PPARG: variants seen among roughly 807,000 people sequenced by gnomAD.
PPARG encodes the protein peroxisome proliferator-activated receptor gamma.
In PPARG, 17 loss-of-function variants were observed where a neutral mutation model predicts 39.2. The observed-to-expected ratio is 0.43, with a 90% CI of 0.30 to 0.65. The LOEUF (loss-of-function observed/expected upper bound fraction) is 0.65. Ranked by LOEUF, PPARG falls within the 30% of genes least tolerant of loss-of-function variation. The probability of loss-of-function intolerance (pLI) is 0.13; values close to 1 mark genes in which losing one functional copy is unlikely to be tolerated. For missense variants in PPARG, 406 were observed against 585.9 expected, an observed-to-expected ratio of 0.69 and a Z score of 3.17; for synonymous variants, 223 against 215.7, an observed-to-expected ratio of 1.03 and a Z score of -0.30.
Position 12,372,693 on chromosome 3 carries a change from G to A in PPARG, c.-8-7011G>A, listed in dbSNP as rs116605640. 7.4e-3 allele frequency among the ~76,000 whole-genome samples: 1,132 copies of A among 152,226 alleles called. 11 individuals are homozygous for A. The highest frequency in any genetic ancestry group is 0.026 in the African/African-American group (1,091 of 41,512). ...TTCTGGTGTTCAATTTTACAATTTAGCATCTTTTCCAACCCACTTCCATAC... is the reference window on the plus strand; with the variant it reads ...TTCTGGTGTTCAATTTTACAATTTAACATCTTTTCCAACCCACTTCCATAC... On this transcript the variant is annotated intron_variant, in intron 2 of 7. Coordinates refer to ENST00000651735, the MANE Select transcript of PPARG (RefSeq NM_138711.6).
intron 2 of PPARG, among the ~76,000 whole-genome samples, chr3:12,337,166 A>G (rs907109402): frequency 3.9e-5 from 6 of 152,250 alleles, no homozygotes; most frequent in Non-Finnish European, 7.3e-5. Flanking sequence ...AATTTGTGCC[A>G]ACCAATAGAA....
intron 6 of PPARG, among the ~76,000 whole-genome samples, chr3:12,412,899 G>A (rs1320916898): frequency 6.6e-6 from 1 of 152,050 alleles, no homozygotes; most frequent in Non-Finnish European, 1.5e-5. Flanking sequence ...TTTGATGTAC[G>A]GTCTGAAGAT....
chr3:12,433,800 G>A lies in PPARG; in HGVS notation c.1181-98G>A, dbSNP rs2051753644. 5.1e-6 allele frequency: 8 copies of A among 1,553,400 alleles called. No homozygotes were observed. The South Asian group carries it at 9.0e-5, about 17-fold the overall frequency. Reference sequence around the variant, plus strand: ...CAAAGCAAAACAAACCAAAAATACAGATGAGTTGCTTGGTAGAGCTGCCTA... The same window carrying A: ...CAAAGCAAAACAAACCAAAAATACAAATGAGTTGCTTGGTAGAGCTGCCTA... On this transcript the variant is annotated intron_variant, in intron 7 of 7. Transcript: ENST00000651735.
chr3:12,310,014 G>A (rs2047180866), intron 1 of PPARG, among the ~76,000 whole-genome samples: 1 of 152,100 alleles, frequency 6.6e-6, no homozygotes, highest in South Asian at 2.1e-4. Flanking sequence ...GTGAAAGAAC[G>A]GCAATCCTTG....
At chr3:12,432,152 T>G (rs1421572371) in intron 7 of PPARG, among the ~76,000 whole-genome samples, 1 of 152,276 alleles carries the variant, frequency 6.6e-6, no homozygotes, top group Non-Finnish European at 1.5e-5. Flanking sequence ...TAAGAAACCG[T>G]CAGGGAACAG....
intron 2 of PPARG, among the ~76,000 whole-genome samples, chr3:12,354,468 G>C (rs2048591876): frequency 7.1e-6 from 1 of 140,354 alleles, no homozygotes; most frequent in Non-Finnish European, 1.6e-5. Context: ...AGAAAAGGCT[G>C]GGTACAGTGG....
intron 6 of PPARG, among the ~76,000 whole-genome samples, chr3:12,408,367 G>T (rs4135284): frequency 6.6e-6 from 1 of 151,994 alleles, no homozygotes; most frequent in Admixed American, 6.6e-5. Context: ...CACAACACTG[G>T]TGTTTATAAA....
chr3:12,327,937 A>G, intron 2 of PPARG: 2 of 670,820 alleles, frequency 3.0e-6, no homozygotes, highest in Non-Finnish European at 5.3e-6. Flanking sequence ...TTTCTTTACA[A>G]AATGTGTGTA....
intron 2 of PPARG, among the ~76,000 whole-genome samples, chr3:12,370,858 C>T (rs948984644): frequency 1.3e-5 from 2 of 152,120 alleles, no homozygotes; most frequent in Non-Finnish European, 2.9e-5. Context: ...TTCCTGGCTG[C>T]TAAAGAGCAA....
chr3:12,357,576 G>A (rs1020138764), intron 2 of PPARG, among the ~76,000 whole-genome samples: 3 of 151,950 alleles, frequency 2.0e-5, no homozygotes, highest in Admixed American at 6.6e-5. Context: ...AGCATTTATC[G>A]TCTTCTAACA....
At chr3:12,356,455 G>T (rs1032774816) in intron 2 of PPARG, among the ~76,000 whole-genome samples, 2 of 152,308 alleles carry the variant, frequency 1.3e-5, no homozygotes, top group Non-Finnish European at 2.9e-5. Context: ...GTGGTGAATG[G>T]CACTTGTGGT....
At position 12,408,612 on chromosome 3, in the gene PPARG, A is replaced by G. The variant is rs756614418; in HGVS notation, c.729+2531A>G. ...GAGGTGGGGTCTTGCTTTGTTGCCC[A>G]GGTGGGAGTGTCTTCTTATATTGGT... On this transcript the variant is annotated intron_variant, in intron 6 of 7. Transcript: ENST00000651735. Among the ~76,000 whole-genome samples, 325 of 123,200 alleles carry G rather than the reference A, an allele frequency of 2.6e-3. 3 individuals carry two copies. Among genetic ancestry groups the G allele is most frequent in the Non-Finnish European group, 1.9e-3 (119 of 62,654 alleles). 80.8% of individuals were successfully genotyped at this position (123,200 alleles called of 152,430 possible). A position where few individuals can be genotyped will look rare whatever the true frequency, so the allele number is the denominator to read the frequency against.
At chr3:12,352,103 G>C (rs2048506863) in intron 2 of PPARG, among the ~76,000 whole-genome samples, 1 of 151,974 alleles carries the variant, frequency 6.6e-6, no homozygotes, top group Non-Finnish European at 1.5e-5. Context: ...TATTCCTCTT[G>C]AAGTACTCTC....
Position 12,364,760 on chromosome 3 carries a change from T to A in PPARG, c.-8-14944T>A, listed in dbSNP as rs550668693. Among the ~76,000 whole-genome samples, 5 of 152,346 alleles carry A rather than the reference T, an allele frequency of 3.3e-5. 1 individual carries two copies. In the South Asian group the frequency reaches 8.3e-4, roughly 25 times the overall value. On this transcript the variant is annotated intron_variant, in intron 2 of 7. Coordinates refer to ENST00000651735, the MANE Select transcript of PPARG (RefSeq NM_138711.6). ...TTCTATTTGTAGTGGTATCTTCTTGTTTTAGTTTGCAGTGCTCTCGTGACA... is the reference window on the plus strand; with the variant it reads ...TTCTATTTGTAGTGGTATCTTCTTGATTTAGTTTGCAGTGCTCTCGTGACA...
chr3:12,387,332 A>T (rs1305974682), intron 4 of PPARG, among the ~76,000 whole-genome samples: 1 of 152,136 alleles, frequency 6.6e-6, no homozygotes, highest in Non-Finnish European at 1.5e-5. Flanking sequence ...TTACACTTCC[A>T]CCAACAGTGT....
chr3:12,374,061 G>A (rs1418134239), intron 2 of PPARG, among the ~76,000 whole-genome samples: 3 of 152,106 alleles, frequency 2.0e-5, no homozygotes, highest in African/African-American at 7.2e-5. Flanking sequence ...GATAACCAGT[G>A]GAAATAAGAC....
intron 2 of PPARG, among the ~76,000 whole-genome samples, chr3:12,371,360 T>C (rs2049206893): frequency 6.6e-6 from 1 of 152,174 alleles, no homozygotes. Context: ...CAAACAACAT[T>C]TGTATATCTG....
intron 2 of PPARG, among the ~76,000 whole-genome samples, chr3:12,345,917 A>G (rs974645705): frequency 1.1e-4 from 17 of 152,228 alleles, no homozygotes; most frequent in African/African-American, 4.1e-4. Context: ...TGAAAAAGAT[A>G]CATGTTTTAG....
intron 1 of PPARG, among the ~76,000 whole-genome samples, chr3:12,293,314 A>G (rs1574935783): frequency 6.6e-6 from 1 of 152,178 alleles, no homozygotes; most frequent in African/African-American, 2.4e-5. Flanking sequence ...ATTTTAGAAA[A>G]TAAATTCATT....
Sources: allele counts gnomAD v4.1 joint callset (sites outside exome capture counted in the v4.1 genomes callset), GRCh38; gene constraint gnomAD v4.1.1; transcripts MANE v1.5; gene names NCBI Gene and HGNC (gene_info 2026-07-23, HGNC 2026-07-21).